The following GCH1 variants were observed in gnomAD, a reference collection of about 807,000 sequenced individuals.
GCH1 encodes GTP cyclohydrolase 1.
Under a neutral mutation model 25.9 loss-of-function variants are expected in GCH1, and 5 were observed. The observed-to-expected ratio is 0.19, with a 90% CI of 0.10 to 0.41. The LOEUF is 0.41. Ranked by LOEUF, GCH1 falls within the 10% of genes least tolerant of loss-of-function variation. The pLI is 1.00. For missense variants in GCH1, 261 were observed against 336.5 expected, an observed-to-expected ratio of 0.78 and a Z score of 1.75; for synonymous variants, 159 against 129.6, an observed-to-expected ratio of 1.23 and a Z score of -1.54.
intron 1 of GCH1, among the ~76,000 whole-genome samples, chr14:54,872,721 T>C (rs2040099313): frequency 6.6e-6 from 1 of 152,054 alleles, no homozygotes; most frequent in Non-Finnish European, 1.5e-5. Flanking sequence ...AAACAGACTT[T>C]AAACCAACAA....
At chr14:54,875,102 A>G (rs1173140615) in intron 1 of GCH1, among the ~76,000 whole-genome samples, 4 of 152,238 alleles carry the variant, frequency 2.6e-5, no homozygotes, top group Non-Finnish European at 5.9e-5. Flanking sequence ...CCAAAACAGC[A>G]TGGTACTGGT....
intron 1 of GCH1, chr14:54,885,660 A>AG: frequency 3.9e-6 from 1 of 255,490 alleles, no homozygotes; most frequent in Non-Finnish European, 7.7e-6. Flanking sequence ...AGGCCAAGGC[A>AG]GGGGGATTAC....
chr14:54,861,389 TTATAC>T (rs2039894149), intron 2 of GCH1, among the ~76,000 whole-genome samples: 1 of 152,188 alleles, frequency 6.6e-6, no homozygotes, highest in Non-Finnish European at 1.5e-5. Flanking sequence ...TGTTCATTGT[TTATAC>T]TATTTTTGGT....
intron 5 of GCH1, 149 bp downstream of exon 5, chr14:54,845,619 A>G (rs541779711): frequency 4.3e-6 from 3 of 703,412 alleles, no homozygotes; most frequent in Admixed American, 2.0e-5. Flanking sequence ...TGAAAGTGGT[A>G]AAAGAGCTTT....
chr14:54,887,967 T>C (rs2040374978), intron 1 of GCH1, among the ~76,000 whole-genome samples: 1 of 152,214 alleles, frequency 6.6e-6, no homozygotes, highest in South Asian at 2.1e-4. Context: ...TTCTAGTTTA[T>C]ATGAAGCTTT....
Position 54,867,589 on chromosome 14 carries a change from C to CAAAAAAAAAAAAAA in GCH1, c.344-2167_344-2154dup, listed in dbSNP as rs1029899399. Among the ~76,000 whole-genome samples, 21 of 46,646 alleles carry CAAAAAAAAAAAAAA rather than the reference C, an allele frequency of 4.5e-4. 2 individuals carry two copies. Among genetic ancestry groups the CAAAAAAAAAAAAAA allele is most frequent in the Non-Finnish European group, 5.5e-4 (14 of 25,462 alleles). The allele number at this position is 46,646 out of a possible 152,430, so 30.6% of individuals were successfully genotyped here. ...GGCAAGAGAGAACAAGACTCCGTCTCAAAAAAAAAAAAAAAAAAAAAAAAA... is the reference window on the plus strand; with the variant it reads ...GGCAAGAGAGAACAAGACTCCGTCTCAAAAAAAAAAAAAAAAAAAAAAAAAAAAAAAAAAAAAAA... On this transcript the variant is annotated intron_variant, in intron 1 of 5. Transcript: ENST00000491895.
rs796493008 is a variant in GCH1 at position 54,863,451 on chromosome 14, T to C, written c.453+1876A>G. 6.2e-3 allele frequency among the ~76,000 whole-genome samples: 262 copies of C among 42,258 alleles called. 3 individuals carry two copies. Among genetic ancestry groups the C allele is most frequent in the African/African-American group, 0.024 (247 of 10,190 alleles). 27.7% of individuals were successfully genotyped at this position (42,258 alleles called of 152,430 possible). The stretch of plus-strand genomic sequence containing the variant: ...AAAAAAAAAAAAAAAAAAAAAAGCA[T>C]GCACATGTACTCCAAAAAAGTATTG... On this transcript the variant is annotated intron_variant, in intron 2 of 5. Coordinates refer to ENST00000491895, the MANE Select transcript of GCH1 (RefSeq NM_000161.3).
intron 3 of GCH1, among the ~76,000 whole-genome samples, chr14:54,852,943 T>A (rs1594976738): frequency 1.3e-5 from 2 of 152,240 alleles, no homozygotes; most frequent in Non-Finnish European, 2.9e-5. Flanking sequence ...CAAGGATACC[T>A]CTATGGGGAT....
rs1419528121 is a variant in GCH1 at position 54,902,217 on chromosome 14, G to C, written c.343+104C>G. 5.4e-6 allele frequency: 7 copies of C among 1,286,726 alleles called. No homozygotes were observed. In the Admixed American group the frequency reaches 1.4e-4, roughly 25 times the overall value. The allele number at this position is 1,286,726 out of a possible 1,614,324, so 79.7% of individuals were successfully genotyped here. A position where few individuals can be genotyped will look rare whatever the true frequency, so the allele number is the denominator to read the frequency against. On this transcript the variant is annotated intron_variant, in intron 1 of 5. Transcript: ENST00000491895. Reference sequence around the variant, plus strand: ...GAGGTGACAGCGCCCGGCTTCCTGCGCCAAAAGTGAGGCAACTCCGGAAAC... The same window carrying C: ...GAGGTGACAGCGCCCGGCTTCCTGCCCCAAAAGTGAGGCAACTCCGGAAAC...
intron 1 of GCH1, among the ~76,000 whole-genome samples, chr14:54,873,365 A>C (rs1284197100): frequency 2.6e-5 from 4 of 152,240 alleles, no homozygotes; most frequent in African/African-American, 9.6e-5. Context: ...GGAAATTTAT[A>C]GCACTAAATG....
chr14:54,875,476 A>G (rs1049034464), intron 1 of GCH1, among the ~76,000 whole-genome samples: 10 of 152,238 alleles, frequency 6.6e-5, no homozygotes, highest in African/African-American at 2.4e-4. Flanking sequence ...GACAAAAGGG[A>G]TCTAATTAAA....
At chr14:54,861,177 A>AT (rs1319493531) in intron 2 of GCH1, among the ~76,000 whole-genome samples, 3 of 152,094 alleles carry the variant, frequency 2.0e-5, no homozygotes, top group African/African-American at 4.8e-5. Flanking sequence ...GTACTTAGTG[A>AT]TTTTTTCCCC....
chr14:54,878,859 A>T (rs2040201185), intron 1 of GCH1, among the ~76,000 whole-genome samples: 1 of 152,002 alleles, frequency 6.6e-6, no homozygotes, highest in African/African-American at 2.4e-5. Context: ...CATCTCCCAG[A>T]CTCAAGCAAT....
At chr14:54,869,028 C>T (rs1246784939) in intron 1 of GCH1, among the ~76,000 whole-genome samples, 2 of 151,944 alleles carry the variant, frequency 1.3e-5, no homozygotes, top group East Asian at 1.9e-4. Context: ...CATGCACCAC[C>T]ACCTGGCTCC....
chr14:54,902,267 T>A, intron 1 of GCH1, 54 bp downstream of exon 1: 1 of 1,587,050 alleles, frequency 6.3e-7, no homozygotes, highest in Non-Finnish European at 8.6e-7. Flanking sequence ...GCGCGTTTCC[T>A]GCAAGCACCG....
chr14:54,862,158 A>G (rs2039906091), intron 2 of GCH1, among the ~76,000 whole-genome samples: 2 of 152,060 alleles, frequency 1.3e-5, no homozygotes, highest in Non-Finnish European at 2.9e-5. Context: ...ACTCCCAAAA[A>G]GTAGCTAGGA....
chr14:54,846,399 C>T (rs1197718573), intron 4 of GCH1, among the ~76,000 whole-genome samples: 1 of 152,130 alleles, frequency 6.6e-6, no homozygotes, highest in African/African-American at 2.4e-5. Flanking sequence ...CAGTATCTAT[C>T]AGAGCTGGTA....
chr14:54,844,185 G>C, intron 5 of GCH1, 42 bp from the exon 6 acceptor site: 1 of 1,402,206 alleles, frequency 7.1e-7, no homozygotes, highest in Non-Finnish European at 1.0e-6. Flanking sequence ...GGAGTAGACA[G>C]CTGCTGGTTT....
At chr14:54,875,418 G>A (rs2040143776) in intron 1 of GCH1, among the ~76,000 whole-genome samples, 1 of 152,126 alleles carries the variant, frequency 6.6e-6, no homozygotes, top group Non-Finnish European at 1.5e-5. Flanking sequence ...CATGGGCAAG[G>A]ACTTCATGTC....
Sources: gnomAD v4.1 joint callset for allele counts (sites outside exome capture counted in the v4.1 genomes callset) on GRCh38, gnomAD v4.1.1 for gene constraint, MANE v1.5 for transcripts, NCBI Gene and HGNC (gene_info 2026-07-23, HGNC 2026-07-21) for gene names.